ZNF385D: variants seen among roughly 807,000 people sequenced by gnomAD.
The protein encoded by ZNF385D is zinc finger protein 385D.
ZNF385D carries 15 observed loss-of-function variants against 35.8 expected under a neutral mutation model. The ratio of observed to expected loss-of-function variants is 0.42; its 90% confidence interval spans 0.28 to 0.64. The LOEUF (loss-of-function observed/expected upper bound fraction) is 0.64. Among genes scored for constraint, ZNF385D ranks in the 30% least tolerant of loss-of-function variants. ZNF385D has a pLI of 0.23. For missense variants in ZNF385D, 474 were observed against 494.6 expected, an observed-to-expected ratio of 0.96 and a Z score of 0.39; for synonymous variants, 212 against 186.8, an observed-to-expected ratio of 1.13 and a Z score of -1.10.
intron 3 of ZNF385D, among the ~76,000 whole-genome samples, chr3:22,063,572 T>A (rs1420409333): frequency 6.6e-6 from 1 of 152,118 alleles, no homozygotes; most frequent in Non-Finnish European, 1.5e-5. Context: ...ACATTACAAA[T>A]AAATCAAAAA....
chr3:22,255,280 C>CA (rs1553637316), intron 2 of ZNF385D, among the ~76,000 whole-genome samples: 3 of 150,976 alleles, frequency 2.0e-5, no homozygotes, highest in East Asian at 3.9e-4. Flanking sequence ...TTCCCCCCCC[C>CA]AAAATTGTGT....
chr3:21,564,555 C>T lies in ZNF385D; in HGVS notation c.276+19G>A. On this transcript the variant is annotated intron_variant, in intron 3 of 7. Transcript: ENST00000281523. ...AATGTATTTTTTTTTTTTAAGTGAACACTAAATGATAAACTTACATCAGAA... is the reference window on the plus strand; with the variant it reads ...AATGTATTTTTTTTTTTTAAGTGAATACTAAATGATAAACTTACATCAGAA... 1 of 1,406,876 alleles carries T rather than the reference C, an allele frequency of 7.1e-7. No individual in the cohort carries two copies. The highest frequency in any genetic ancestry group is 2.3e-5 in the Admixed American group (1 of 42,612). 87.1% of individuals were successfully genotyped at this position (1,406,876 alleles called of 1,614,324 possible).
chr3:21,936,173 G>T (rs995052600), intron 3 of ZNF385D, among the ~76,000 whole-genome samples: 1 of 152,096 alleles, frequency 6.6e-6, no homozygotes, highest in Non-Finnish European at 1.5e-5. Flanking sequence ...TCAGCCCTGC[G>T]TAACTACAAG....
intron 3 of ZNF385D, among the ~76,000 whole-genome samples, chr3:22,033,139 C>T (rs887480157): frequency 6.6e-5 from 10 of 152,074 alleles, no homozygotes; most frequent in African/African-American, 2.2e-4. Context: ...CAGTGGCGCA[C>T]TCTTGTAACC....
At chr3:21,929,346 TA>T (rs1700892990) in intron 3 of ZNF385D, among the ~76,000 whole-genome samples, 1 of 152,084 alleles carries the variant, frequency 6.6e-6, no homozygotes, top group South Asian at 2.1e-4. Context: ...ATAAAAAACC[TA>T]TTGCCAATAT....
At chr3:21,424,200 C>G (rs934127821) in intron 6 of ZNF385D, 136 bp from the exon 7 acceptor site, 8 of 622,670 alleles carry the variant, frequency 1.3e-5, no homozygotes, top group Non-Finnish European at 1.5e-5. Flanking sequence ...AGATCATGCA[C>G]TTTTGTCCTG....
intron 2 of ZNF385D, among the ~76,000 whole-genome samples, chr3:22,368,974 G>T (rs1696782451): frequency 6.6e-6 from 1 of 152,148 alleles, no homozygotes; most frequent in Non-Finnish European, 1.5e-5. Flanking sequence ...CAGTTTTTGG[G>T]TGTGTAATCT....
At chr3:22,227,186 C>CG (rs142385853) in intron 2 of ZNF385D, among the ~76,000 whole-genome samples, 2,469 of 150,454 alleles carry the variant, frequency 0.016, 67 homozygotes, top group African/African-American at 0.055. Context: ...GTATGTGGGG[C>CG]GGGGGGGGTG....
intron 3 of ZNF385D, among the ~76,000 whole-genome samples, chr3:22,011,814 AG>A (rs1409989876): frequency 6.6e-6 from 1 of 152,114 alleles, no homozygotes; most frequent in Non-Finnish European, 1.5e-5. Flanking sequence ...GGTAAGCTGC[AG>A]GGCTGAAATT....
chr3:21,511,709 G>A (rs1220993091), intron 3 of ZNF385D: 3 of 456,430 alleles, frequency 6.6e-6, no homozygotes, highest in African/African-American at 2.0e-5. Flanking sequence ...AGGCTCCAGT[G>A]TGTTTGTACT....
chr3:22,218,775 T>A (rs891997681), intron 2 of ZNF385D, among the ~76,000 whole-genome samples: 14 of 152,162 alleles, frequency 9.2e-5, no homozygotes, highest in African/African-American at 3.1e-4. Flanking sequence ...AACTTTATAG[T>A]TGTTCATTGC....
intron 3 of ZNF385D, among the ~76,000 whole-genome samples, chr3:21,518,183 C>G (rs892744969): frequency 1.3e-5 from 2 of 152,124 alleles, no homozygotes; most frequent in Non-Finnish European, 2.9e-5. Context: ...AACATTTTTA[C>G]TTGAACAATG....
chr3:22,231,466 C>T (rs993678461), intron 2 of ZNF385D, among the ~76,000 whole-genome samples: 7 of 152,160 alleles, frequency 4.6e-5, no homozygotes, highest in Admixed American at 6.5e-5. Flanking sequence ...GAATCCTTGA[C>T]CTGACAAACA....
chr3:21,446,317 A>G (rs1249690389), intron 4 of ZNF385D, among the ~76,000 whole-genome samples: 2 of 152,076 alleles, frequency 1.3e-5, no homozygotes, highest in Admixed American at 6.6e-5. Context: ...TTGAGTGACC[A>G]GTGTCCTTGT....
chr3:21,747,473 T>C (rs2069833015), intron 1 of ZNF385D, among the ~76,000 whole-genome samples: 1 of 152,164 alleles, frequency 6.6e-6, no homozygotes, highest in Admixed American at 6.5e-5. Context: ...AGCCTCCCAT[T>C]TTCTCTCCTG....
chr3:22,176,056 G>C (rs1407284926), intron 2 of ZNF385D, among the ~76,000 whole-genome samples: 1 of 151,596 alleles, frequency 6.6e-6, no homozygotes, highest in Non-Finnish European at 1.5e-5. Context: ...ATTTTGCTTT[G>C]ATCTAATTCC....
chr3:22,020,569 A>G (rs1276011553), intron 3 of ZNF385D, among the ~76,000 whole-genome samples: 1 of 152,040 alleles, frequency 6.6e-6, no homozygotes, highest in Non-Finnish European at 1.5e-5. Flanking sequence ...ATTAAACCAC[A>G]ATGAGATACC....
intron 3 of ZNF385D, among the ~76,000 whole-genome samples, chr3:22,121,708 T>C (rs1703097533): frequency 6.6e-6 from 1 of 151,344 alleles, no homozygotes; most frequent in African/African-American, 2.4e-5. Context: ...CAAGTGAGAA[T>C]TGCTGGGTAA....
At chr3:21,952,259 C>G (rs546473027) in intron 3 of ZNF385D, among the ~76,000 whole-genome samples, 37 of 151,962 alleles carry the variant, frequency 2.4e-4, no homozygotes, top group Non-Finnish European at 5.0e-4. Context: ...TGCCTGGCAT[C>G]TCCACTACTT....
Sources: allele counts gnomAD v4.1 joint callset (sites outside exome capture counted in the v4.1 genomes callset), GRCh38; gene constraint gnomAD v4.1.1; transcripts MANE v1.5; gene names NCBI Gene and HGNC (gene_info 2026-07-23, HGNC 2026-07-21).